Variants in CHCHD6 observed in about 807,000 individuals in gnomAD.
CHCHD6 encodes the protein MICOS complex subunit MIC25.
A neutral mutation model predicts 32.3 loss-of-function variants in CHCHD6; 28 were observed. The observed-to-expected ratio is 0.87, with a 90% CI of 0.64 to 1.19. The LOEUF (loss-of-function observed/expected upper bound fraction) is 1.19, where lower values mean the gene tolerates loss of function less well. Ranked by LOEUF, CHCHD6 falls within the 50% of genes most tolerant of loss-of-function variation. The pLI, the probability that CHCHD6 is intolerant of heterozygous loss-of-function variation, is 0.00. For synonymous variants in CHCHD6, 122 were observed against 117.5 expected (o/e 1.04, Z -0.25); for missense variants, 333 against 307.0 (o/e 1.08, Z -0.63).
intron 4 of CHCHD6, among the ~76,000 whole-genome samples, chr3:126,795,798 C>T (rs1408553150): frequency 6.6e-6 from 1 of 152,182 alleles, no homozygotes; most frequent in Non-Finnish European, 1.5e-5. Context: ...CTTCAGTCCC[C>T]TCTTTTCCAT....
intron 1 of CHCHD6, among the ~76,000 whole-genome samples, chr3:126,707,546 T>G (rs1181319393): frequency 6.6e-6 from 1 of 152,218 alleles, no homozygotes; most frequent in Non-Finnish European, 1.5e-5. Context: ...CCTCTCCACA[T>G]GAGCCGCCCT....
At chr3:126,811,102 G>T (rs565530139) in intron 4 of CHCHD6, among the ~76,000 whole-genome samples, 3 of 152,304 alleles carry the variant, frequency 2.0e-5, no homozygotes, top group Middle Eastern at 3.4e-3. Context: ...GGGGAAAAGT[G>T]CAATTTTTAC....
intron 1 of CHCHD6, among the ~76,000 whole-genome samples, chr3:126,714,868 G>A (rs986792820): frequency 3.3e-5 from 5 of 152,154 alleles, no homozygotes; most frequent in African/African-American, 9.7e-5. Context: ...GAGTGAGGAC[G>A]ATGACACCGC....
In CHCHD6 at chr3:126,733,239, C is replaced by T. The variant is rs1243573753; in HGVS notation, c.411+17C>T. On this transcript the variant is annotated intron_variant, in intron 4 of 7. Coordinates refer to ENST00000290913, the MANE Select transcript of CHCHD6 (RefSeq NM_032343.3). ...GTCCGGCTGGTGAGTGCAGATTTTC[C>T]CTGATCTGGCCTTCTGAGCTGGGCA... The T allele has an allele frequency of 3.7e-6, 6 of 1,608,586 alleles. No individual in the cohort carries two copies. In the African/African-American group the frequency reaches 4.0e-5, roughly 11 times the overall value.
chr3:126,837,176 A>T (rs1194831845), intron 4 of CHCHD6, among the ~76,000 whole-genome samples: 2 of 152,176 alleles, frequency 1.3e-5, no homozygotes, highest in African/African-American at 4.8e-5. Flanking sequence ...ACACCAGGAG[A>T]TGAAGCCCAT....
intron 6 of CHCHD6, among the ~76,000 whole-genome samples, chr3:126,938,267 C>T (rs1211447026): frequency 2.6e-5 from 4 of 152,132 alleles, no homozygotes; most frequent in East Asian, 1.9e-4. Context: ...GTAGCCAGAG[C>T]GACAGCTGGA....
intron 6 of CHCHD6, among the ~76,000 whole-genome samples, chr3:126,918,405 C>T (rs1245457228): frequency 6.6e-6 from 1 of 152,172 alleles, no homozygotes; most frequent in African/African-American, 2.4e-5. Flanking sequence ...CCATGCTAGG[C>T]CCTGGGGACA....
intron 7 of CHCHD6, among the ~76,000 whole-genome samples, chr3:126,959,451 C>G (rs2078830299): frequency 2.0e-5 from 3 of 152,268 alleles, no homozygotes; most frequent in Admixed American, 2.0e-4. Flanking sequence ...TGGAGAAACT[C>G]TCACCACCCT....
intron 5 of CHCHD6, among the ~76,000 whole-genome samples, chr3:126,903,922 G>T (rs1376974242): frequency 1.3e-5 from 2 of 152,306 alleles, no homozygotes; most frequent in Middle Eastern, 3.4e-3. Flanking sequence ...GGCTCCAGGG[G>T]ATCCCATCCT....
chr3:126,863,683 T>TCCTCCA (rs1217629111), intron 5 of CHCHD6, among the ~76,000 whole-genome samples: 6 of 134,672 alleles, frequency 4.5e-5, no homozygotes, highest in Middle Eastern at 4.2e-3. Flanking sequence ...CACCTCCTCC[T>TCCTCCA]CCTCCACCAT....
chr3:126,706,398 G>T (rs1407803303), intron 1 of CHCHD6, among the ~76,000 whole-genome samples: 1 of 152,060 alleles, frequency 6.6e-6, no homozygotes, highest in Admixed American at 6.6e-5. Context: ...AGATCTTTTC[G>T]GTGCAAAAAG....
chr3:126,784,693 C>G (rs542917775), intron 4 of CHCHD6, among the ~76,000 whole-genome samples: 2 of 152,294 alleles, frequency 1.3e-5, no homozygotes, highest in South Asian at 4.1e-4. Flanking sequence ...ATACCACTGC[C>G]TCTCAGTTCA....
intron 4 of CHCHD6, among the ~76,000 whole-genome samples, chr3:126,748,697 C>T (rs1936605822): frequency 6.6e-6 from 1 of 152,108 alleles, no homozygotes; most frequent in African/African-American, 2.4e-5. Context: ...GTATTTATCA[C>T]CAAGTAGCTA....
intron 4 of CHCHD6, among the ~76,000 whole-genome samples, chr3:126,747,807 C>A (rs1306381136): frequency 6.6e-6 from 1 of 152,208 alleles, no homozygotes; most frequent in South Asian, 2.1e-4. Flanking sequence ...TGGATTCCAG[C>A]CTTGGGTGAA....
intron 4 of CHCHD6, 97 bp downstream of exon 4, chr3:126,733,319 T>C (rs1935897523): frequency 8.5e-7 from 1 of 1,176,486 alleles, no homozygotes; most frequent in African/African-American, 1.5e-5. Context: ...GAAGCCCTGC[T>C]GGCTCAGGCT....
At chr3:126,905,290 C>T (rs1170028476) in intron 5 of CHCHD6, among the ~76,000 whole-genome samples, 1 of 152,178 alleles carries the variant, frequency 6.6e-6, no homozygotes, top group African/African-American at 2.4e-5. Flanking sequence ...TGGTACAGCA[C>T]ACTGGGAAGG....
intron 5 of CHCHD6, among the ~76,000 whole-genome samples, chr3:126,872,962 G>A (rs562842882): frequency 6.6e-6 from 1 of 152,146 alleles, no homozygotes; most frequent in Non-Finnish European, 1.5e-5. Context: ...GTACTTTTTT[G>A]ACAGGGGCTA....
chr3:126,846,394 T>C (rs1163759165), intron 4 of CHCHD6, among the ~76,000 whole-genome samples: 1 of 152,180 alleles, frequency 6.6e-6, no homozygotes, highest in African/African-American at 2.4e-5. Context: ...GGGAATGAGG[T>C]GGCCATAGGA....
intron 7 of CHCHD6, among the ~76,000 whole-genome samples, chr3:126,958,907 C>T (rs2078823880): frequency 6.6e-6 from 1 of 152,218 alleles, no homozygotes; most frequent in Non-Finnish European, 1.5e-5. Context: ...CCTCCAGATC[C>T]TCCACACACC....
Sources: gnomAD v4.1 joint callset for allele counts (sites outside exome capture counted in the v4.1 genomes callset) on GRCh38, gnomAD v4.1.1 for gene constraint, MANE v1.5 for transcripts, NCBI Gene and HGNC (gene_info 2026-07-23, HGNC 2026-07-21) for gene names.